Variants in DOP1B observed in about 807,000 individuals in gnomAD.
DOP1B encodes protein DOP1B.
DOP1B carries 174 observed loss-of-function variants against 233.5 expected under a neutral mutation model. That is an observed-to-expected ratio of 0.75 (90% CI 0.66 to 0.85). DOP1B has a LOEUF of 0.85. Ranked by LOEUF, DOP1B falls within the 40% of genes least tolerant of loss-of-function variation. The pLI is 0.00. For synonymous variants in DOP1B, 1,190 were observed against 1,185.6 expected (o/e 1.00, Z -0.08); for missense variants, 2,652 against 2,846.6 (o/e 0.93, Z 1.56).
chr21:36,188,297 A>G (rs2066189027), intron 2 of DOP1B, among the ~76,000 whole-genome samples: 1 of 151,924 alleles, frequency 6.6e-6, no homozygotes, highest in African/African-American at 2.4e-5. Flanking sequence ...AACTGGTCTC[A>G]CTGGTTACCT....
chr21:36,292,992 A>T (rs1343168033), intron 36 of DOP1B, among the ~76,000 whole-genome samples: 1 of 151,974 alleles, frequency 6.6e-6, no homozygotes, highest in African/African-American at 2.4e-5. Context: ...AGATCGCCTG[A>T]GGTCAGGAGT....
intron 2 of DOP1B, chr21:36,169,650 C>A: frequency 3.3e-6 from 3 of 912,044 alleles, no homozygotes; most frequent in South Asian, 2.6e-5. Flanking sequence ...ATCAGCTGGG[C>A]CTTCTTCTGG....
intron 14 of DOP1B, among the ~76,000 whole-genome samples, chr21:36,232,481 C>T (rs573257724): frequency 1.3e-5 from 2 of 152,296 alleles, no homozygotes; most frequent in South Asian, 2.1e-4. Flanking sequence ...GGGCTCCTCA[C>T]CTTGCAGCTG....
intron 2 of DOP1B, among the ~76,000 whole-genome samples, chr21:36,177,685 GAA>G (rs1281285329): frequency 6.6e-6 from 1 of 152,168 alleles, no homozygotes; most frequent in East Asian, 1.9e-4. Context: ...AGCTAAATAA[GAA>G]GAGGAAGAGA....
chr21:36,278,196 C>T lies in DOP1B; in HGVS notation c.5823-13C>T. On this transcript the variant is annotated splice_polypyrimidine_tract_variant and intron_variant, in intron 29 of 36. Coordinates refer to ENST00000691173, the MANE Select transcript of DOP1B (RefSeq NM_001320714.2). Reference sequence around the variant, plus strand: ...CTTGACCTTGACCCTTCTCTCTTCCCACTCCCACTCAGTGCCTACAATGCT... The same window carrying T: ...CTTGACCTTGACCCTTCTCTCTTCCTACTCCCACTCAGTGCCTACAATGCT... 1.9e-6 allele frequency: 3 copies of T among 1,613,588 alleles called. No homozygotes were observed. Among genetic ancestry groups the T allele is most frequent in the Non-Finnish European group, 2.5e-6 (3 of 1,179,706 alleles).
intron 1 of DOP1B, among the ~76,000 whole-genome samples, chr21:36,163,409 G>A (rs1156760201): frequency 6.6e-6 from 1 of 151,822 alleles, no homozygotes; most frequent in Non-Finnish European, 1.5e-5. Flanking sequence ...TGGGTCTGGA[G>A]TGATCGGAAA....
rs779844172 is a variant in DOP1B at position 36,188,877 on chromosome 21, A to G, written c.139-10193A>G. Among the ~76,000 whole-genome samples the G allele has an allele frequency of 4.0e-4, 61 of 152,270 alleles. 2 individuals carry two copies. The highest frequency in any genetic ancestry group is 1.2e-4 in the Non-Finnish European group (8 of 68,056). The stretch of plus-strand genomic sequence containing the variant: ...ACGGGCTAAATAAAGCGTTTTAAAA[A>G]TGAAACATAATTCTGTCCACTCCCC... On this transcript the variant is annotated intron_variant, in intron 2 of 36. Coordinates refer to ENST00000691173, the MANE Select transcript of DOP1B (RefSeq NM_001320714.2).
intron 26 of DOP1B, among the ~76,000 whole-genome samples, chr21:36,268,447 T>C (rs376408942): frequency 1.3e-5 from 2 of 152,120 alleles, no homozygotes; most frequent in African/African-American, 2.4e-5. Flanking sequence ...GGTGCACTGG[T>C]TTCATATTGT....
intron 18 of DOP1B, among the ~76,000 whole-genome samples, chr21:36,240,373 A>C (rs909160512): frequency 1.2e-4 from 18 of 152,196 alleles, no homozygotes; most frequent in Admixed American, 1.1e-3. Flanking sequence ...CCAGCTACTC[A>C]GGAGGCTGAG....
chr21:36,170,330 G>T, intron 2 of DOP1B: 1 of 283,310 alleles, frequency 3.5e-6, no homozygotes. Context: ...TGGCGCGGTG[G>T]CTCATGCCTG....
intron 27 of DOP1B, among the ~76,000 whole-genome samples, chr21:36,273,104 AAAAT>A (rs1406674650): frequency 2.0e-5 from 3 of 150,746 alleles, no homozygotes; most frequent in Admixed American, 6.6e-5. Context: ...TCATCTCAAA[AAAAT>A]AAATAAATAA....
rs2066063700 is a variant in DOP1B, at chr21:36,178,968, C to T, written c.138+14097C>T. Among the ~76,000 whole-genome samples the T allele has an allele frequency of 4.6e-5, 7 of 152,242 alleles. No individual in the cohort carries two copies. The South Asian group carries it at 1.4e-3, about 31-fold the overall frequency. On this transcript the variant is annotated intron_variant, in intron 2 of 36. Transcript: ENST00000691173. The stretch of plus-strand genomic sequence containing the variant: ...TCCTGTCCTTTTGTCGTCTCCCTCC[C>T]TCCCTTGTCCCCAGACAACCACTGA...
Position 36,219,429 on chromosome 21 carries a change from G to T in DOP1B, c.1187G>T (p.Cys396Phe). Residue 396 changes from cysteine (C) to phenylalanine (F), a missense_variant, in exon 10 of 37, where the codon TGC (cysteine) becomes TTC (phenylalanine). By Grantham distance (205) the Cys-to-Phe change is radical. Coordinates refer to ENST00000691173, the MANE Select transcript of DOP1B (RefSeq NM_001320714.2). ...GTCATCAGGGCCTTTTATTCTTACT[G>T]CAGAGATGCCCTTGGCTCTGATCTT... is the stretch of plus-strand genomic sequence containing the variant. ...LEVIRAFYSYCRDALGSDLKL... is the reference protein window; with the variant it reads ...LEVIRAFYSYFRDALGSDLKL... 4 of 1,614,166 alleles carry T rather than the reference G, an allele frequency of 2.5e-6. No individual in the cohort carries two copies. Among genetic ancestry groups the T allele is most frequent in the Non-Finnish European group, 3.4e-6 (4 of 1,180,028 alleles).
At chr21:36,221,364 C>A (rs9978042) in intron 10 of DOP1B, among the ~76,000 whole-genome samples, 6 of 151,594 alleles carry the variant, frequency 4.0e-5, no homozygotes, top group East Asian at 4.1e-4. Context: ...GTGTGGTGGG[C>A]CATGCCTGTA....
intron 13 of DOP1B, among the ~76,000 whole-genome samples, chr21:36,228,126 C>T (rs956591420): frequency 1.7e-4 from 26 of 151,830 alleles, no homozygotes; most frequent in African/African-American, 6.1e-4. Flanking sequence ...CCCAGGAGTT[C>T]GAGACCAGCC....
At chr21:36,210,892 G>C (rs375605757) in intron 5 of DOP1B, among the ~76,000 whole-genome samples, 1 of 152,316 alleles carries the variant, frequency 6.6e-6, no homozygotes, top group African/African-American at 2.4e-5. Context: ...CTAACCATCT[G>C]CTCCCAGCCA....
chr21:36,164,655 A>G, intron 1 of DOP1B, 53 bp from the exon 2 acceptor site: 1 of 1,418,742 alleles, frequency 7.0e-7, no homozygotes, highest in Non-Finnish European at 9.4e-7. Context: ...GTTGGGAATG[A>G]TTTGTATCCC....
intron 2 of DOP1B, among the ~76,000 whole-genome samples, chr21:36,188,422 A>G (rs1265419617): frequency 6.6e-6 from 1 of 152,142 alleles, no homozygotes; most frequent in African/African-American, 2.4e-5. Context: ...GGGTCATGCC[A>G]TTTCAGTCAA....
chr21:36,284,286 T>TTTTG (rs2067456546), intron 32 of DOP1B, among the ~76,000 whole-genome samples: 1 of 136,732 alleles, frequency 7.3e-6, no homozygotes, highest in Non-Finnish European at 1.6e-5. Flanking sequence ...TTTTTTTTTT[T>TTTTG]TTGAGACGGA....
Sources: gnomAD v4.1 joint callset for allele counts (sites outside exome capture counted in the v4.1 genomes callset) on GRCh38, gnomAD v4.1.1 for gene constraint, MANE v1.5 for transcripts, NCBI Gene and HGNC (gene_info 2026-07-23, HGNC 2026-07-21) for gene names.